Variants in SLC28A2 observed in about 807,000 individuals in gnomAD.
The protein encoded by SLC28A2 is solute carrier family 28 member 2.
Under a neutral mutation model 72.9 loss-of-function variants are expected in SLC28A2, and 69 were observed. The ratio of observed to expected loss-of-function variants is 0.95; its 90% confidence interval spans 0.78 to 1.16. SLC28A2 has a LOEUF of 1.16. SLC28A2 is among the 50% of genes most tolerant of loss of function. SLC28A2 has a pLI of 0.00. For synonymous variants in SLC28A2, 296 were observed against 294.1 expected, an observed-to-expected ratio of 1.01 and a Z score of -0.07; for missense variants, 745 against 791.1, an observed-to-expected ratio of 0.94 and a Z score of 0.70.
chr15:45,255,697 A>G (rs1393009342), intron 3 of SLC28A2, among the ~76,000 whole-genome samples: 4 of 152,206 alleles, frequency 2.6e-5, no homozygotes, highest in Non-Finnish European at 4.4e-5. Context: ...ATGTATCATT[A>G]TATAAAATTT....
At chr15:45,258,395 T>C (rs979980193) in intron 3 of SLC28A2, among the ~76,000 whole-genome samples, 1 of 152,130 alleles carries the variant, frequency 6.6e-6, no homozygotes, top group African/African-American at 2.4e-5. Context: ...TAAGCCTTAA[T>C]GAATTTTCAC....
At chr15:45,264,565 G>A in intron 6 of SLC28A2, 90 bp from the exon 7 acceptor site, 2 of 821,936 alleles carry the variant, frequency 2.4e-6, no homozygotes, top group South Asian at 1.4e-5. Flanking sequence ...AATATTCTAG[G>A]TTGGTTCCAC....
chr15:45,268,259 A>G lies in SLC28A2; in HGVS notation c.1249A>G (p.Ile417Val). The change falls in exon 13 of 18, where the codon ATA becomes GTA. Residue 417 changes from isoleucine to valine, a missense_variant. Transcript: ENST00000347644. ...EAASNGAVDA[I>V]GLATNVAANL... Reference sequence around the variant, plus strand: ...TGCCAGCAACGGAGCCGTAGATGCCATAGGCCTTGCTACTAATGTAGCAGC... The same window carrying G: ...TGCCAGCAACGGAGCCGTAGATGCCGTAGGCCTTGCTACTAATGTAGCAGC... 6.2e-7 allele frequency: 1 copy of G among 1,612,372 alleles called. No individual in the cohort carries two copies. The highest frequency in any genetic ancestry group is 8.5e-7 in the Non-Finnish European group (1 of 1,178,470).
chr15:45,274,083 G>A (rs1008286154), intron 17 of SLC28A2, among the ~76,000 whole-genome samples: 1 of 152,048 alleles, frequency 6.6e-6, no homozygotes, highest in Non-Finnish European at 1.5e-5. Flanking sequence ...GAGCCATCAT[G>A]CCCAGCCTTA....
intron 12 of SLC28A2, 31 bp downstream of exon 12, chr15:45,267,827 ATGGTGAGCTGTAGT>A (rs925109967): frequency 6.2e-7 from 1 of 1,612,596 alleles, no homozygotes; most frequent in Non-Finnish European, 8.5e-7. Context: ...ACTTTGGGAG[ATGGTGAGCTGTAGT>A]TAAGAGTGGC....
intron 5 of SLC28A2, among the ~76,000 whole-genome samples, chr15:45,263,625 T>G (rs1373746685): frequency 6.6e-6 from 1 of 152,218 alleles, no homozygotes; most frequent in Non-Finnish European, 1.5e-5. Flanking sequence ...CTGATACTTT[T>G]TATGCTTTTT....
Position 45,263,970 on chromosome 15 carries a change from G to A in SLC28A2, c.536G>A (p.Gly179Glu). 3 of 1,613,618 alleles carry A rather than the reference G, an allele frequency of 1.9e-6. No individual in the cohort carries two copies. The Middle Eastern group carries it at 5.0e-4, about 266-fold the overall frequency. ...CCAGAGCAGCTGATCCCCTTTGCAGGAATCTGCATGTTCATCCTTATCCTC... is the reference window on the plus strand; with the variant it reads ...CCAGAGCAGCTGATCCCCTTTGCAGAAATCTGCATGTTCATCCTTATCCTC... ...QRPEQLIPFAGICMFILILFA... is the reference protein window; with the variant it reads ...QRPEQLIPFAEICMFILILFA... The change falls in exon 6 of 18, where the codon GGA becomes GAA. Residue 179 changes from glycine (G) to glutamate (E), a missense_variant. By Grantham distance (98) the Gly-to-Glu change is moderately conservative. Transcript: ENST00000347644.
chr15:45,268,273 T>C lies in SLC28A2; in HGVS notation c.1263T>C (p.Thr421=), dbSNP rs1900410823. Residue 421 remains threonine, a synonymous_variant, in exon 13 of 18, where the codon ACT becomes ACC. Transcript: ENST00000347644. ...CCGTAGATGCCATAGGCCTTGCTAC[T>C]AATGTAGCAGCCAACCTGATTGCCT... is the stretch of plus-strand genomic sequence containing the variant. The part of the protein sequence containing the change: ...NGAVDAIGLA[T]NVAANLIAFL... 1.2e-6 allele frequency: 2 copies of C among 1,611,968 alleles called. No individual in the cohort carries two copies. Among genetic ancestry groups the C allele is most frequent in the African/African-American group, 1.3e-5 (1 of 75,030 alleles).
chr15:45,265,026 TCTTC>T, intron 7 of SLC28A2, 59 bp from the exon 8 acceptor site: 1 of 1,325,212 alleles, frequency 7.5e-7, no homozygotes, highest in African/African-American at 1.5e-5. Context: ...GCTGGTCTCG[TCTTC>T]CTGTGTGTCC....
intron 16 of SLC28A2, 117 bp from the exon 17 acceptor site, chr15:45,272,556 C>T: frequency 1.2e-6 from 1 of 824,000 alleles, no homozygotes; most frequent in Non-Finnish European, 2.0e-6. Context: ...ATGCATTCCA[C>T]AGATACATGG....
chr15:45,267,320 A>G (rs1900368006), intron 10 of SLC28A2, 135 bp from the exon 11 acceptor site: 4 of 919,482 alleles, frequency 4.4e-6, no homozygotes, highest in Non-Finnish European at 5.1e-6. Context: ...CACTAAGTGA[A>G]GCTGTGGCTC....
At position 45,264,100 on chromosome 15, in the gene SLC28A2, A is replaced by G. The variant is rs533196557; in HGVS notation, c.588+78A>G. 2.4e-5 allele frequency: 32 copies of G among 1,344,372 alleles called. No homozygotes were observed. In the African/African-American group the frequency reaches 3.7e-4, roughly 16 times the overall value. 83.3% of individuals were successfully genotyped at this position (1,344,372 alleles called of 1,614,324 possible). A position where few individuals can be genotyped will look rare whatever the true frequency, so the allele number is the denominator to read the frequency against. ...TGCTAATCATAAAGCGTATGCATCA[A>G]GTGTTAATTACAAGGGCATAGAACT... On this transcript the variant is annotated intron_variant, in intron 6 of 17. Coordinates refer to ENST00000347644, the MANE Select transcript of SLC28A2 (RefSeq NM_004212.4).
At chr15:45,256,093 A>G (rs1450680944) in intron 3 of SLC28A2, 1 of 152,072 alleles carries the variant, frequency 6.6e-6, no homozygotes, top group African/African-American at 2.4e-5. Flanking sequence ...GCTCTGATAT[A>G]TAACATGTCC....
chr15:45,263,306 T>G lies in SLC28A2; in HGVS notation c.446+62T>G. 2.0e-6 allele frequency: 3 copies of G among 1,522,754 alleles called. No individual in the cohort carries two copies. The South Asian group carries it at 3.7e-5, about 19-fold the overall frequency. 94.3% of individuals were successfully genotyped at this position (1,522,754 alleles called of 1,614,324 possible). A position where few individuals can be genotyped will look rare whatever the true frequency, so the allele number is the denominator to read the frequency against. On this transcript the variant is annotated intron_variant, in intron 5 of 17. Transcript: ENST00000347644. ...ATCCCAGCCCACCTCCTTTTTTCTC[T>G]TTTGATAGTTGCTGAGCAGGCTCTC... is the stretch of plus-strand genomic sequence containing the variant.
intron 3 of SLC28A2, among the ~76,000 whole-genome samples, chr15:45,257,531 ATAATC>A (rs1452506278): frequency 6.6e-5 from 10 of 152,254 alleles, no homozygotes; most frequent in Non-Finnish European, 1.3e-4. Context: ...AGTTATGTAT[ATAATC>A]TAGATAACAG....
intron 3 of SLC28A2, among the ~76,000 whole-genome samples, chr15:45,254,795 AT>A (rs1359729731): frequency 1.3e-5 from 2 of 152,172 alleles, no homozygotes; most frequent in Non-Finnish European, 2.9e-5. Flanking sequence ...CTCTCTAAAA[AT>A]TTTTATATTA....
chr15:45,277,781 G>T lies in SLC28A2; in HGVS notation c.*2268G>T, dbSNP rs1381481670. On this transcript the variant is annotated 3_prime_UTR_variant, in exon 18 of 18. Coordinates refer to ENST00000347644, the MANE Select transcript of SLC28A2 (RefSeq NM_004212.4). Reference sequence around the variant, plus strand: ...ATTGTGAATATTATGTCACTGAATTGTTCACTTTAAAATGGCTGTTTATGT... The same window carrying T: ...ATTGTGAATATTATGTCACTGAATTTTTCACTTTAAAATGGCTGTTTATGT... The T allele has an allele frequency of 1.3e-5, 2 of 149,236 alleles. No individual in the cohort carries two copies. Among genetic ancestry groups the T allele is most frequent in the East Asian group, 3.9e-4 (2 of 5,146 alleles). The allele number at this position is 149,236 out of a possible 1,614,324, so 9.2% of individuals were successfully genotyped here.
intron 4 of SLC28A2, 63 bp from the exon 5 acceptor site, chr15:45,262,998 A>G: frequency 7.2e-7 from 1 of 1,389,864 alleles, no homozygotes; most frequent in South Asian, 1.3e-5. Context: ...TCATGACTGG[A>G]GTTTCATTTG....
chr15:45,267,371 G>A, intron 10 of SLC28A2, 84 bp from the exon 11 acceptor site: 1 of 1,453,460 alleles, frequency 6.9e-7, no homozygotes, highest in Non-Finnish European at 9.6e-7. Context: ...TATCTAGTGG[G>A]TCCAGCCCCT....
Sources: gnomAD v4.1 joint callset for allele counts (sites outside exome capture counted in the v4.1 genomes callset) on GRCh38, gnomAD v4.1.1 for gene constraint, MANE v1.5 for transcripts, NCBI Gene and HGNC (gene_info 2026-07-23, HGNC 2026-07-21) for gene names.